The following STXBP5L variants were observed in gnomAD, a reference collection of about 807,000 sequenced individuals.
The protein encoded by STXBP5L is syntaxin-binding protein 5-like.
STXBP5L carries 65 observed loss-of-function variants against 144.5 expected under a neutral mutation model. The observed-to-expected ratio is 0.45, with a 90% CI of 0.37 to 0.55. The LOEUF (loss-of-function observed/expected upper bound fraction) is 0.55, where lower values mean the gene tolerates loss of function less well. STXBP5L is among the 20% of genes least tolerant of loss of function. The pLI is 0.00. For synonymous variants in STXBP5L, 505 were observed against 469.6 expected, an observed-to-expected ratio of 1.08 and a Z score of -0.97; for missense variants, 1,298 against 1,405.5, an observed-to-expected ratio of 0.92 and a Z score of 1.22.
intron 7 of STXBP5L, among the ~76,000 whole-genome samples, chr3:121,133,278 C>A (rs1341825101): frequency 6.6e-6 from 1 of 151,994 alleles, no homozygotes; most frequent in East Asian, 1.9e-4. Flanking sequence ...ACCCAGGAAG[C>A]CCAAAGAACA....
chr3:120,964,058 A>G (rs1257118515), intron 3 of STXBP5L, among the ~76,000 whole-genome samples: 6 of 152,092 alleles, frequency 3.9e-5, no homozygotes, highest in Non-Finnish European at 5.9e-5. Context: ...GTTTATTTGC[A>G]TAGAGTTGTT....
chr3:120,992,595 G>T (rs565966846), intron 3 of STXBP5L, among the ~76,000 whole-genome samples: 15 of 152,082 alleles, frequency 9.9e-5, no homozygotes, highest in African/African-American at 3.4e-4. Context: ...CATGATGGAC[G>T]TGCAGTTCTA....
intron 20 of STXBP5L, among the ~76,000 whole-genome samples, chr3:121,365,089 C>T (rs888929618): frequency 1.3e-5 from 2 of 151,784 alleles, no homozygotes; most frequent in Admixed American, 1.3e-4. Context: ...TTAAATCATC[C>T]TTATATTCCA....
At chr3:121,004,817 T>A (rs1368857405) in intron 3 of STXBP5L, among the ~76,000 whole-genome samples, 1 of 152,148 alleles carries the variant, frequency 6.6e-6, no homozygotes, top group Non-Finnish European at 1.5e-5. Flanking sequence ...ATCATGTGGG[T>A]TTTGTCATTG....
chr3:121,012,612 A>G (rs1249209067), intron 3 of STXBP5L, among the ~76,000 whole-genome samples: 1 of 151,658 alleles, frequency 6.6e-6, no homozygotes, highest in African/African-American at 2.4e-5. Context: ...ATTTATTGTC[A>G]GTTTGTATAT....
intron 20 of STXBP5L, among the ~76,000 whole-genome samples, chr3:121,341,592 T>C (rs921921790): frequency 1.3e-5 from 2 of 152,018 alleles, no homozygotes; most frequent in Non-Finnish European, 2.9e-5. Context: ...CTATTCACAG[T>C]AGCCAAGATT....
chr3:121,352,254 A>G (rs1353342939), intron 20 of STXBP5L, among the ~76,000 whole-genome samples: 1 of 152,138 alleles, frequency 6.6e-6, no homozygotes, highest in Admixed American at 6.5e-5. Flanking sequence ...GATGGCATTG[A>G]ATCTATAAAT....
chr3:121,067,704 C>G lies in STXBP5L; in HGVS notation c.470+22169C>G, dbSNP rs544708338. On this transcript the variant is annotated intron_variant, in intron 5 of 26. Coordinates refer to ENST00000471454, the MANE Select transcript of STXBP5L (RefSeq NM_001308330.2). ...GTTCTATCTGATATTAAGAGAGGAC[C>G]GTTAAAAGCTCCCACTATGATTATA... 4.6e-5 allele frequency among the ~76,000 whole-genome samples: 7 copies of G among 152,112 alleles called. No individual in the cohort carries two copies. The South Asian group carries it at 1.2e-3, about 27-fold the overall frequency.
chr3:121,406,033 C>G (rs2046986803), intron 22 of STXBP5L, among the ~76,000 whole-genome samples: 1 of 152,032 alleles, frequency 6.6e-6, no homozygotes, highest in Admixed American at 6.6e-5. Context: ...TGTGGTTTTA[C>G]TGAACAGCAG....
At chr3:121,036,078 A>G (rs1163620507) in intron 3 of STXBP5L, among the ~76,000 whole-genome samples, 1 of 152,156 alleles carries the variant, frequency 6.6e-6, no homozygotes, top group African/African-American at 2.4e-5. Flanking sequence ...TCACAACTGT[A>G]ATCCAGCACT....
chr3:121,215,843 C>G (rs2048757355), intron 10 of STXBP5L, among the ~76,000 whole-genome samples: 1 of 152,182 alleles, frequency 6.6e-6, no homozygotes, highest in African/African-American at 2.4e-5. Flanking sequence ...GTACACCAAT[C>G]AAACATAGGT....
At chr3:121,063,526 T>C (rs1553793112) in intron 5 of STXBP5L, among the ~76,000 whole-genome samples, 3 of 152,196 alleles carry the variant, frequency 2.0e-5, no homozygotes, top group Non-Finnish European at 2.9e-5. Flanking sequence ...TTGAGCACTG[T>C]GCTGGGAGAT....
intron 5 of STXBP5L, among the ~76,000 whole-genome samples, chr3:121,104,744 C>G (rs1385259025): frequency 6.6e-6 from 1 of 152,148 alleles, no homozygotes; most frequent in African/African-American, 2.4e-5. Flanking sequence ...CAAAAATCAA[C>G]TCAAGATGGA....
chr3:121,332,424 A>C (rs1043654848), intron 20 of STXBP5L, among the ~76,000 whole-genome samples: 3 of 149,140 alleles, frequency 2.0e-5, no homozygotes, highest in East Asian at 3.9e-4. Flanking sequence ...AAAAAAAAAA[A>C]CCAGAACTTC....
At chr3:121,227,745 G>C (rs1394652307) in intron 11 of STXBP5L, among the ~76,000 whole-genome samples, 1 of 152,050 alleles carries the variant, frequency 6.6e-6, no homozygotes, top group Non-Finnish European at 1.5e-5. Context: ...AGATATTTTG[G>C]TGGCATACAA....
At chr3:121,196,979 A>T (rs1477469638) in intron 9 of STXBP5L, among the ~76,000 whole-genome samples, 2 of 152,152 alleles carry the variant, frequency 1.3e-5, no homozygotes, top group Non-Finnish European at 2.9e-5. Flanking sequence ...CACTGGGCTC[A>T]GCCTTTTTTT....
intron 3 of STXBP5L, among the ~76,000 whole-genome samples, chr3:121,030,113 A>T (rs1277442193): frequency 6.6e-6 from 1 of 152,192 alleles, no homozygotes; most frequent in Non-Finnish European, 1.5e-5. Context: ...TGTGGAAGAC[A>T]GTGTGATGAT....
chr3:121,193,311 G>C (rs768129433), intron 9 of STXBP5L, among the ~76,000 whole-genome samples: 2 of 142,808 alleles, frequency 1.4e-5, no homozygotes, highest in Non-Finnish European at 3.1e-5. Flanking sequence ...TCATTAAAAA[G>C]TCAGGAAACA....
chr3:121,159,830 C>T (rs2046254355), intron 9 of STXBP5L, among the ~76,000 whole-genome samples: 1 of 151,768 alleles, frequency 6.6e-6, no homozygotes, highest in South Asian at 2.1e-4. Flanking sequence ...GACGGGGTTT[C>T]ACCGTGTTAG....
Sources: allele counts gnomAD v4.1 joint callset (sites outside exome capture counted in the v4.1 genomes callset), GRCh38; gene constraint gnomAD v4.1.1; transcripts MANE v1.5; gene names NCBI Gene and HGNC (gene_info 2026-07-23, HGNC 2026-07-21).